SYNPR: variants seen among roughly 807,000 people sequenced by gnomAD.
The protein encoded by SYNPR is synaptoporin.
In SYNPR, 23 loss-of-function variants were observed where a neutral mutation model predicts 32.9. That is an observed-to-expected ratio of 0.70 (90% CI 0.50 to 0.99). SYNPR has a LOEUF of 0.99. Among genes scored for constraint, SYNPR ranks in the 50% least tolerant of loss-of-function variants. SYNPR has a pLI of 0.00. For missense variants in SYNPR, 318 were observed against 349.3 expected (o/e 0.91, Z 0.71); for synonymous variants, 146 against 135.9 (o/e 1.07, Z -0.52).
At chr3:63,256,951 C>T (rs2106895706) in intron 2 of SYNPR, among the ~76,000 whole-genome samples, 1 of 152,148 alleles carries the variant, frequency 6.6e-6, no homozygotes, top group East Asian at 1.9e-4. Context: ...ATTCGATCAA[C>T]TGGAAGAAAG....
At chr3:63,575,437 G>GC (rs1702960303) in intron 4 of SYNPR, among the ~76,000 whole-genome samples, 1 of 151,906 alleles carries the variant, frequency 6.6e-6, no homozygotes, top group African/African-American at 2.4e-5. Context: ...ACATCCATTA[G>GC]CCCCCCTCAG....
At chr3:63,251,809 T>A (rs1258722923) in intron 1 of SYNPR, among the ~76,000 whole-genome samples, 2 of 151,964 alleles carry the variant, frequency 1.3e-5, no homozygotes, top group African/African-American at 4.8e-5. Flanking sequence ...TCATGCCCTA[T>A]ACCCTCTGTT....
chr3:63,581,442 A>C (rs1175283837), intron 4 of SYNPR, among the ~76,000 whole-genome samples: 3 of 152,304 alleles, frequency 2.0e-5, no homozygotes, highest in Admixed American at 1.3e-4. Context: ...TCATACAATC[A>C]TTCAAAAACA....
chr3:63,210,666 A>T, the SYNPR span, among the ~76,000 whole-genome samples: 1 of 152,212 alleles, frequency 6.6e-6, no homozygotes, highest in Non-Finnish European at 1.5e-5. Flanking sequence ...TGATGAAGAG[A>T]AGAAGTAAAA....
intron 2 of SYNPR, among the ~76,000 whole-genome samples, chr3:63,358,631 A>G (rs1249849968): frequency 6.6e-6 from 1 of 152,170 alleles, no homozygotes; most frequent in African/African-American, 2.4e-5. Context: ...ACATGAAAAA[A>G]AAAAACCTAA....
chr3:63,290,558 G>T (rs972922352), intron 2 of SYNPR, among the ~76,000 whole-genome samples: 5 of 126,050 alleles, frequency 4.0e-5, no homozygotes, highest in African/African-American at 1.5e-4. Flanking sequence ...TACTGAACTT[G>T]TGTATCTTTT....
intron 2 of SYNPR, among the ~76,000 whole-genome samples, chr3:63,291,407 G>A (rs935009570): frequency 1.3e-5 from 2 of 152,296 alleles, no homozygotes; most frequent in Admixed American, 6.5e-5. Context: ...GCTCGGTAAA[G>A]GTTGACTGTC....
intron 5 of SYNPR, among the ~76,000 whole-genome samples, chr3:63,611,538 A>G (rs1482585634): frequency 6.6e-6 from 1 of 152,252 alleles, no homozygotes; most frequent in Non-Finnish European, 1.5e-5. Context: ...GTGTCTTCCC[A>G]GGGCAAAACC....
chr3:63,282,213 C>T (rs1034956850), intron 2 of SYNPR, among the ~76,000 whole-genome samples: 4 of 152,130 alleles, frequency 2.6e-5, no homozygotes, highest in Non-Finnish European at 5.9e-5. Context: ...ATTTTCACAT[C>T]ATCTTGTAAG....
At chr3:63,322,101 G>A (rs576663020) in intron 2 of SYNPR, among the ~76,000 whole-genome samples, 2 of 152,112 alleles carry the variant, frequency 1.3e-5, no homozygotes, top group South Asian at 2.1e-4. Context: ...TGGCCAGAAT[G>A]TTAGGAAAAG....
intron 2 of SYNPR, among the ~76,000 whole-genome samples, chr3:63,291,274 G>A (rs1029816515): frequency 2.6e-5 from 4 of 152,058 alleles, no homozygotes; most frequent in African/African-American, 9.7e-5. Context: ...TTGGGTAAAT[G>A]TCTTTATCTT....
chr3:63,210,720 T>C, the SYNPR span, among the ~76,000 whole-genome samples: 3 of 152,196 alleles, frequency 2.0e-5, no homozygotes, highest in Non-Finnish European at 4.4e-5. Flanking sequence ...TCCATATTTA[T>C]CTTCTATAAG....
chr3:63,471,293 T>C (rs2106675929), intron 2 of SYNPR, among the ~76,000 whole-genome samples: 2 of 152,310 alleles, frequency 1.3e-5, no homozygotes, highest in Non-Finnish European at 2.9e-5. Flanking sequence ...CTTTTAACAA[T>C]ACTTCTCAGT....
intron 2 of SYNPR, among the ~76,000 whole-genome samples, chr3:63,446,408 C>T (rs879388109): frequency 2.0e-5 from 3 of 151,966 alleles, no homozygotes; most frequent in Non-Finnish European, 4.4e-5. Flanking sequence ...TGTCAATAAG[C>T]ATGCTGAGAA....
intron 2 of SYNPR, among the ~76,000 whole-genome samples, chr3:63,259,113 A>G (rs1185299811): frequency 6.6e-6 from 1 of 152,168 alleles, no homozygotes; most frequent in African/African-American, 2.4e-5. Flanking sequence ...CCAGGACCAG[A>G]TGGATTCACA....
intron 2 of SYNPR, among the ~76,000 whole-genome samples, chr3:63,338,938 T>C (rs1411523665): frequency 6.6e-6 from 1 of 152,220 alleles, no homozygotes; most frequent in East Asian, 1.9e-4. Context: ...CAGCGAATAT[T>C]GGACTGTCCT....
chr3:63,416,201 A>G (rs1402716233), intron 2 of SYNPR, among the ~76,000 whole-genome samples: 7 of 152,198 alleles, frequency 4.6e-5, no homozygotes, highest in Non-Finnish European at 1.0e-4. Context: ...GTTTACGTGC[A>G]GTCACATGTA....
At chr3:63,226,077 T>C (rs1398544958), upstream of SYNPR, among the ~76,000 whole-genome samples, 1 of 152,080 alleles carries the variant, frequency 6.6e-6, no homozygotes, top group Non-Finnish European at 1.5e-5. Flanking sequence ...GACATACAAA[T>C]GGCCAACGGA....
chr3:63,268,851 C>T (rs1237362081), intron 3 of SYNPR, among the ~76,000 whole-genome samples: 1 of 152,182 alleles, frequency 6.6e-6, no homozygotes, highest in Admixed American at 6.5e-5. Flanking sequence ...AATTATTTGG[C>T]ACTGAAAGTG....
Sources: allele counts gnomAD v4.1 joint callset (sites outside exome capture counted in the v4.1 genomes callset), GRCh38; gene constraint gnomAD v4.1.1; transcripts MANE v1.5; gene names NCBI Gene and HGNC (gene_info 2026-07-23, HGNC 2026-07-21).